ZNF568: variants seen among roughly 807,000 people sequenced by gnomAD.
ZNF568 encodes zinc finger protein 568.
ZNF568 carries 11 observed loss-of-function variants against 18.1 expected under a neutral mutation model. That is an observed-to-expected ratio of 0.61 (90% CI 0.38 to 1.00). ZNF568 has a LOEUF of 1.00. Ranked by LOEUF, ZNF568 falls within the 50% of genes least tolerant of loss-of-function variation. ZNF568 has a pLI of 0.01. For synonymous variants in ZNF568, 213 were observed against 246.6 expected (o/e 0.86, Z 1.28); for missense variants, 639 against 768.2 (o/e 0.83, Z 1.99).
chr19:36,966,213 G>A (rs1272507586), intron 6 of ZNF568, among the ~76,000 whole-genome samples: 1 of 152,118 alleles, frequency 6.6e-6, no homozygotes, highest in Non-Finnish European at 1.5e-5. Context: ...TTAAACTGGG[G>A]AGGTGGAGGT....
chr19:36,922,241 A>G (rs1200371401), intron 2 of ZNF568, among the ~76,000 whole-genome samples: 2 of 152,172 alleles, frequency 1.3e-5, no homozygotes, highest in African/African-American at 4.8e-5. Context: ...GTTCACTTCC[A>G]AGATAGCTGG....
chr19:36,946,986 G>A (rs2073977636), intron 6 of ZNF568, among the ~76,000 whole-genome samples: 1 of 150,308 alleles, frequency 6.7e-6, no homozygotes, highest in South Asian at 2.1e-4. Flanking sequence ...TAGAATGGTT[G>A]GATCAGAACC....
At chr19:36,936,973 C>A in intron 5 of ZNF568, 101 bp downstream of exon 5, 1 of 1,470,534 alleles carries the variant, frequency 6.8e-7, no homozygotes, top group Non-Finnish European at 9.3e-7. Context: ...CCTTTCCTTT[C>A]TCCATGTGAC....
chr19:36,994,545 T>C (rs2074453339), intron 4 of ZNF568, among the ~76,000 whole-genome samples: 1 of 152,256 alleles, frequency 6.6e-6, no homozygotes, highest in South Asian at 2.1e-4. Flanking sequence ...GTGGCTCTCT[T>C]TAATTCTTGT....
At chr19:36,919,690 G>A (rs997395622) in intron 2 of ZNF568, among the ~76,000 whole-genome samples, 1 of 152,056 alleles carries the variant, frequency 6.6e-6, no homozygotes, top group South Asian at 2.1e-4. Flanking sequence ...TACTGTACCA[G>A]TACCGGTACG....
At chr19:36,972,655 G>A (rs925985519) in intron 6 of ZNF568, among the ~76,000 whole-genome samples, 1 of 151,732 alleles carries the variant, frequency 6.6e-6, no homozygotes, top group African/African-American at 2.4e-5. Context: ...GGTCAGTGAA[G>A]CCCCAGGTCC....
At chr19:36,960,559 C>T (rs894307930) in intron 6 of ZNF568, among the ~76,000 whole-genome samples, 1 of 151,752 alleles carries the variant, frequency 6.6e-6, no homozygotes, top group South Asian at 2.1e-4. Flanking sequence ...CATGGTGGCT[C>T]ACCATGTAAA....
rs990352091 is a variant in ZNF568 at position 36,945,820 on chromosome 19, G to A, written c.359-3692G>A. Among the ~76,000 whole-genome samples the A allele has an allele frequency of 7.2e-5, 11 of 151,956 alleles. No homozygotes were observed. In the South Asian group the frequency reaches 2.3e-3, roughly 32 times the overall value. On this transcript the variant is annotated intron_variant, in intron 6 of 6. Coordinates refer to ENST00000333987, the MANE Select transcript of ZNF568 (RefSeq NM_198539.4). ...AGAATAATCCAAGAACTGGCTGGGC[G>A]TGGTGTCTCATACCTGTAATCCCAG...
rs117575768 is a variant in ZNF568, at chr19:36,988,110, T to C, written c.10-3066T>C. ...TCCTTCATTGAATGCATTCTTTCATTTTTAAATTTTTTATTTTTATTTTTG... is the reference window on the plus strand; with the variant it reads ...TCCTTCATTGAATGCATTCTTTCATCTTTAAATTTTTTATTTTTATTTTTG... On this transcript the variant is annotated intron_variant, in intron 2 of 4. Transcript: ENST00000433993. Among the ~76,000 whole-genome samples the C allele has an allele frequency of 6.0e-3, 912 of 152,052 alleles. 7 individuals carry two copies. The highest frequency in any genetic ancestry group is 0.017 in the Middle Eastern group (5 of 294).
At chr19:36,992,242 CAAAAAAAA>C (rs66941480) in intron 4 of ZNF568, among the ~76,000 whole-genome samples, 117 of 118,168 alleles carry the variant, frequency 9.9e-4, no homozygotes, top group African/African-American at 1.0e-3. Context: ...GACTCCGTCT[CAAAAAAAA>C]AAAAAAAAAA....
intron 2 of ZNF568, among the ~76,000 whole-genome samples, chr19:36,986,409 C>T (rs922035374): frequency 2.4e-4 from 36 of 152,194 alleles, no homozygotes; most frequent in Admixed American, 1.4e-3. Context: ...GCTCCATAGA[C>T]ATTCCCTGGG....
chr19:36,918,003 C>T (rs1260553933), intron 2 of ZNF568, among the ~76,000 whole-genome samples: 1 of 152,184 alleles, frequency 6.6e-6, no homozygotes, highest in Non-Finnish European at 1.5e-5. Context: ...GGCTGGAGTG[C>T]AGTGGCACGG....
intron 4 of ZNF568, among the ~76,000 whole-genome samples, chr19:36,926,234 T>A (rs956693369): frequency 6.6e-6 from 1 of 152,238 alleles, no homozygotes; most frequent in Non-Finnish European, 1.5e-5. Flanking sequence ...ACGTATTCTC[T>A]GCTCTTGATT....
intron 7 of ZNF568, among the ~76,000 whole-genome samples, chr19:36,977,699 C>T (rs1039848077): frequency 2.0e-5 from 3 of 152,292 alleles, no homozygotes; most frequent in African/African-American, 4.8e-5. Context: ...AGCTTCAGTT[C>T]CCCTTGCACT....
chr19:36,932,127 AATGGAAATTTGAT>A (rs1378713227), intron 4 of ZNF568, among the ~76,000 whole-genome samples: 3 of 152,196 alleles, frequency 2.0e-5, no homozygotes, highest in African/African-American at 7.2e-5. Context: ...TTCATTGATT[AATGGAAATTTGAT>A]TCATTTCCCC....
rs191746897 is a variant in ZNF568 at position 36,971,641 on chromosome 19, C to T, written c.359-2779C>T. Among the ~76,000 whole-genome samples, 4 of 152,122 alleles carry T rather than the reference C, an allele frequency of 2.6e-5. No homozygotes were observed. The East Asian group carries it at 7.7e-4, about 29-fold the overall frequency. ...TTTTTGAGACGCAGTCTCGCTCTAT[C>T]GCCAGGCTGGAATGCACCTCCTTAG... On this transcript the variant is annotated intron_variant, in intron 6 of 7. Transcript: ENST00000427117.
At chr19:36,978,500 C>T (rs2074303549) in intron 7 of ZNF568, among the ~76,000 whole-genome samples, 1 of 152,102 alleles carries the variant, frequency 6.6e-6, no homozygotes, top group Non-Finnish European at 1.5e-5. Context: ...AGTGTGTTTT[C>T]TGCTTGTTGG....
downstream of ZNF568, among the ~76,000 whole-genome samples, chr19:36,982,346 C>T (rs1163383939): frequency 1.3e-5 from 2 of 151,920 alleles, no homozygotes; most frequent in African/African-American, 4.8e-5. Context: ...ATTGCTAATT[C>T]GCTCTTGAGT....
intron 3 of ZNF568, among the ~76,000 whole-genome samples, chr19:36,924,862 C>T (rs1204444873): frequency 6.6e-6 from 1 of 151,652 alleles, no homozygotes; most frequent in Non-Finnish European, 1.5e-5. Flanking sequence ...TTTTAAAGAT[C>T]ATCCCAATCT....
Sources: gnomAD v4.1 joint callset for allele counts (sites outside exome capture counted in the v4.1 genomes callset) on GRCh38, gnomAD v4.1.1 for gene constraint, MANE v1.5 for transcripts, NCBI Gene and HGNC (gene_info 2026-07-23, HGNC 2026-07-21) for gene names.